Variants in TRAPPC13 observed in about 807,000 individuals in gnomAD.
TRAPPC13 encodes REV7-interacting novel NHEJ regulator 1.
In TRAPPC13, 39 loss-of-function variants were observed where a neutral mutation model predicts 54.0. The ratio of observed to expected loss-of-function variants is 0.72; its 90% CI spans 0.56 to 0.94. TRAPPC13 has a LOEUF of 0.94. Among genes scored for constraint, TRAPPC13 ranks in the 40% least tolerant of loss-of-function variants. The pLI, the probability that TRAPPC13 is intolerant of heterozygous loss-of-function variation, is 0.00. For missense variants in TRAPPC13, 386 were observed against 488.1 expected, an observed-to-expected ratio of 0.79 and a Z score of 1.97; for synonymous variants, 148 against 167.7, an observed-to-expected ratio of 0.88 and a Z score of 0.91.
chr5:65,633,505 T>C (rs1343478563), intron 1 of TRAPPC13, among the ~76,000 whole-genome samples: 1 of 152,076 alleles, frequency 6.6e-6, no homozygotes. Flanking sequence ...CCTGACCTCG[T>C]GATCCGCCCG....
chr5:65,651,770 A>G (rs1278056480), intron 6 of TRAPPC13, among the ~76,000 whole-genome samples: 3 of 150,300 alleles, frequency 2.0e-5, no homozygotes, highest in East Asian at 1.9e-4. Context: ...ATTCATAGGG[A>G]AAAAAAATCT....
intron 1 of TRAPPC13, among the ~76,000 whole-genome samples, chr5:65,628,975 A>G (rs1023961794): frequency 5.9e-4 from 90 of 151,540 alleles, no homozygotes; most frequent in Non-Finnish European, 6.8e-4. Flanking sequence ...GCGCCACCAC[A>G]CCCAGCTAAT....
At chr5:65,652,744 G>T in intron 7 of TRAPPC13, 199 bp downstream of exon 7, 1 of 626,208 alleles carries the variant, frequency 1.6e-6, no homozygotes. Context: ...TGGAATCAAT[G>T]TGTCTTGATT....
At chr5:65,654,097 T>C (rs1756567289) in intron 7 of TRAPPC13, among the ~76,000 whole-genome samples, 1 of 152,156 alleles carries the variant, frequency 6.6e-6, no homozygotes, top group Non-Finnish European at 1.5e-5. Flanking sequence ...ATTAAAAATA[T>C]GGTAGTACAC....
intron 1 of TRAPPC13, among the ~76,000 whole-genome samples, chr5:65,628,601 A>G (rs1454190209): frequency 1.3e-5 from 2 of 151,726 alleles, no homozygotes; most frequent in Non-Finnish European, 2.9e-5. Context: ...CCTCCTGAGT[A>G]GCTGGGATTA....
intron 1 of TRAPPC13, among the ~76,000 whole-genome samples, chr5:65,628,773 T>C (rs777058426): frequency 6.6e-6 from 1 of 151,914 alleles, no homozygotes; most frequent in Non-Finnish European, 1.5e-5. Flanking sequence ...ACCTGGCAAA[T>C]CTACATAATT....
intron 8 of TRAPPC13, among the ~76,000 whole-genome samples, chr5:65,657,346 C>T (rs544350658): frequency 4.5e-4 from 68 of 152,170 alleles, no homozygotes; most frequent in Non-Finnish European, 8.2e-4. Context: ...CACCCCACCA[C>T]ACTCCAGCCT....
chr5:65,628,100 A>G (rs1376369946), intron 1 of TRAPPC13, among the ~76,000 whole-genome samples: 1 of 152,198 alleles, frequency 6.6e-6, no homozygotes, highest in East Asian at 1.9e-4. Context: ...CCTGATTAGC[A>G]AGCCTAACTT....
intron 8 of TRAPPC13, among the ~76,000 whole-genome samples, chr5:65,657,512 T>C (rs1434579042): frequency 6.6e-6 from 1 of 152,264 alleles, no homozygotes; most frequent in Non-Finnish European, 1.5e-5. Flanking sequence ...TCATTTTTCA[T>C]GTAGGTTTGT....
At chr5:65,640,508 G>A (rs1474239905) in intron 4 of TRAPPC13, among the ~76,000 whole-genome samples, 2 of 152,316 alleles carry the variant, frequency 1.3e-5, no homozygotes, top group East Asian at 1.9e-4. Flanking sequence ...TAGTTGAAAC[G>A]GAGATTGTAT....
chr5:65,662,571 GAAA>G (rs1359140111), intron 11 of TRAPPC13: 1 of 152,492 alleles, frequency 6.6e-6, no homozygotes, highest in Non-Finnish European at 1.5e-5. Flanking sequence ...TCATTGATTC[GAAA>G]ACTGGGTTTT....
At chr5:65,639,902 C>T in intron 4 of TRAPPC13, among the ~76,000 whole-genome samples, 1 of 152,164 alleles carries the variant, frequency 6.6e-6, no homozygotes, top group South Asian at 2.1e-4. Context: ...TTTGTAAAAC[C>T]TGTCTTAGAG....
At chr5:65,631,320 A>C (rs964404318) in intron 1 of TRAPPC13, among the ~76,000 whole-genome samples, 1 of 152,220 alleles carries the variant, frequency 6.6e-6, no homozygotes, top group Non-Finnish European at 1.5e-5. Context: ...GGGATTCTTC[A>C]TAGCCTGAGA....
At chr5:65,640,513 T>C (rs1259912745) in intron 4 of TRAPPC13, among the ~76,000 whole-genome samples, 2 of 152,234 alleles carry the variant, frequency 1.3e-5, no homozygotes, top group Non-Finnish European at 2.9e-5. Context: ...GAAACGGAGA[T>C]TGTATGGCCT....
intron 1 of TRAPPC13, among the ~76,000 whole-genome samples, chr5:65,633,721 T>C (rs1388777523): frequency 5.9e-5 from 9 of 151,984 alleles, no homozygotes; most frequent in Admixed American, 5.9e-4. Context: ...AAAAGATTTT[T>C]AAAAAAATTA....
chr5:65,637,830 T>A, intron 4 of TRAPPC13, 50 bp downstream of exon 4: 1 of 1,190,182 alleles, frequency 8.4e-7, no homozygotes, highest in Non-Finnish European at 1.2e-6. Context: ...ACAAAGGTTT[T>A]TTTTTAGGCC....
chr5:65,656,012 A>G (rs1252836123), intron 8 of TRAPPC13, among the ~76,000 whole-genome samples: 1 of 152,146 alleles, frequency 6.6e-6, no homozygotes, highest in African/African-American at 2.4e-5. Context: ...TTCTTTGAGT[A>G]GACTGTATAA....
At chr5:65,642,798 C>T (rs1756018681) in intron 4 of TRAPPC13, among the ~76,000 whole-genome samples, 1 of 152,158 alleles carries the variant, frequency 6.6e-6, no homozygotes, top group African/African-American at 2.4e-5. Context: ...GTTGCTGTAA[C>T]TGCAGTTGCA....
rs1207329932 is a variant in TRAPPC13 at position 65,635,242 on chromosome 5, A to G, written c.47-59A>G. The G allele has an allele frequency of 4.9e-6, 7 of 1,420,656 alleles. No homozygotes were observed. In the East Asian group the frequency reaches 1.6e-4, roughly 33 times the overall value. The allele number at this position is 1,420,656 out of a possible 1,614,324, so 88.0% of individuals were successfully genotyped here. ...GGATGAATGTCATACACTAGACTTGAGAATATTAACCCTAAGCAGTATTAA... is the reference window on the plus strand; with the variant it reads ...GGATGAATGTCATACACTAGACTTGGGAATATTAACCCTAAGCAGTATTAA... On this transcript the variant is annotated intron_variant, in intron 1 of 12. Transcript: ENST00000399438.
Sources: gnomAD v4.1 joint callset for allele counts (sites outside exome capture counted in the v4.1 genomes callset) on GRCh38, gnomAD v4.1.1 for gene constraint, MANE v1.5 for transcripts, NCBI Gene and HGNC (gene_info 2026-07-23, HGNC 2026-07-21) for gene names.